Variants in CHCHD6 observed in about 807,000 individuals in gnomAD.
CHCHD6 encodes MICOS complex subunit MIC25.
CHCHD6 carries 28 observed loss-of-function variants against 32.3 expected under a neutral mutation model. The observed-to-expected ratio is 0.87, with a 90% CI of 0.64 to 1.19. The LOEUF (loss-of-function observed/expected upper bound fraction) is 1.19. CHCHD6 is among the 50% of genes most tolerant of loss of function. CHCHD6 has a pLI of 0.00. For synonymous variants in CHCHD6, 122 were observed against 117.5 expected, an observed-to-expected ratio of 1.04 and a Z score of -0.25; for missense variants, 333 against 307.0, an observed-to-expected ratio of 1.08 and a Z score of -0.63.
chr3:126,731,098 TAAAAAAAAAAAA>T (rs34596059), intron 3 of CHCHD6, among the ~76,000 whole-genome samples: 1 of 73,982 alleles, frequency 1.4e-5, no homozygotes, highest in African/African-American at 5.1e-5. Flanking sequence ...ACCCTGTCTC[TAAAAAAAAAAAA>T]AAAAAAAAAA....
chr3:126,779,119 G>T (rs1246481456), intron 4 of CHCHD6, among the ~76,000 whole-genome samples: 1 of 151,930 alleles, frequency 6.6e-6, no homozygotes, highest in African/African-American at 2.4e-5. Context: ...TAAGTTTTGG[G>T]ATTATAGGCA....
intron 4 of CHCHD6, among the ~76,000 whole-genome samples, chr3:126,812,107 T>G (rs953051482): frequency 7.9e-5 from 12 of 151,972 alleles, no homozygotes; most frequent in Non-Finnish European, 1.5e-4. Flanking sequence ...GTGCAGGTTT[T>G]TTTTTTTTTT....
In CHCHD6 at chr3:126,786,655, G is replaced by A. The variant is rs1049690560; in HGVS notation, c.411+53433G>A. Among the ~76,000 whole-genome samples the A allele has an allele frequency of 4.6e-5, 7 of 151,996 alleles. 1 individual carries two copies. The highest frequency in any genetic ancestry group is 1.2e-4 in the African/African-American group (5 of 41,364). On this transcript the variant is annotated intron_variant, in intron 4 of 7. Coordinates refer to ENST00000290913, the MANE Select transcript of CHCHD6 (RefSeq NM_032343.3). ...TGAGAAGTGTCTGTTCATATCCTTCGCCCACTTTTTGATGGGGTTGTTTTT... is the reference window on the plus strand; with the variant it reads ...TGAGAAGTGTCTGTTCATATCCTTCACCCACTTTTTGATGGGGTTGTTTTT...
intron 4 of CHCHD6, among the ~76,000 whole-genome samples, chr3:126,830,430 C>T (rs1253586801): frequency 6.6e-6 from 1 of 152,198 alleles, no homozygotes; most frequent in Non-Finnish European, 1.5e-5. Flanking sequence ...ACCCTGCATG[C>T]CTGGGGAGAC....
chr3:126,733,660 C>G (rs972747655), intron 4 of CHCHD6, among the ~76,000 whole-genome samples: 1 of 152,160 alleles, frequency 6.6e-6, no homozygotes, highest in South Asian at 2.1e-4. Flanking sequence ...CCTGGACACC[C>G]TGTCTGTGAG....
At chr3:126,804,450 C>A (rs973863923) in intron 4 of CHCHD6, among the ~76,000 whole-genome samples, 14 of 152,174 alleles carry the variant, frequency 9.2e-5, no homozygotes, top group Non-Finnish European at 2.9e-5. Context: ...CGCAAGTAAA[C>A]CAGAAAATCT....
At chr3:126,824,560 C>CCAAAAAAAAAA (rs1940300538) in intron 4 of CHCHD6, among the ~76,000 whole-genome samples, 1 of 40,000 alleles carries the variant, frequency 2.5e-5, no homozygotes, top group Non-Finnish European at 3.9e-5. Context: ...GACTCTGTCT[C>CCAAAAAAAAAA]AAAAAAAAAA....
intron 5 of CHCHD6, among the ~76,000 whole-genome samples, chr3:126,870,975 C>T (rs1204101037): frequency 2.0e-5 from 3 of 152,174 alleles, no homozygotes; most frequent in South Asian, 2.1e-4. Flanking sequence ...GTGCCTGCAG[C>T]GAGCGAGTCT....
intron 6 of CHCHD6, among the ~76,000 whole-genome samples, chr3:126,929,622 G>T (rs1230766286): frequency 2.0e-5 from 3 of 152,010 alleles, no homozygotes; most frequent in African/African-American, 7.2e-5. Flanking sequence ...CTGGAGTGCA[G>T]TGGCACAATC....
chr3:126,852,792 C>T, intron 5 of CHCHD6, 62 bp downstream of exon 5: 1 of 1,118,114 alleles, frequency 8.9e-7, no homozygotes, highest in Non-Finnish European at 1.4e-6. Flanking sequence ...GACCAGAACA[C>T]ATCACTGTCA....
chr3:126,932,758 G>T (rs1185781261), intron 6 of CHCHD6, among the ~76,000 whole-genome samples: 5 of 152,234 alleles, frequency 3.3e-5, no homozygotes, highest in Non-Finnish European at 7.3e-5. Flanking sequence ...CCAGTGACCA[G>T]ATCGGGCTGA....
At chr3:126,705,913 T>A (rs999913901) in intron 1 of CHCHD6, among the ~76,000 whole-genome samples, 2 of 151,826 alleles carry the variant, frequency 1.3e-5, no homozygotes, top group Admixed American at 1.3e-4. Flanking sequence ...ACAGAGAGAG[T>A]GCTTTGTGGA....
intron 1 of CHCHD6, among the ~76,000 whole-genome samples, chr3:126,723,953 T>C (rs1001009058): frequency 6.6e-6 from 1 of 152,266 alleles, no homozygotes; most frequent in African/African-American, 2.4e-5. Context: ...ATTTTTATCC[T>C]GGATTGATCC....
intron 5 of CHCHD6, among the ~76,000 whole-genome samples, chr3:126,904,874 T>C (rs2077982849): frequency 6.6e-6 from 1 of 152,122 alleles, no homozygotes; most frequent in Admixed American, 6.5e-5. Flanking sequence ...AAATAGGACA[T>C]GGAATAGATG....
chr3:126,728,855 G>A (rs939267217), intron 2 of CHCHD6, among the ~76,000 whole-genome samples: 3 of 152,214 alleles, frequency 2.0e-5, no homozygotes, highest in Admixed American at 6.5e-5. Flanking sequence ...CTGTTTAAAT[G>A]ATAGGTGTAA....
At chr3:126,801,507 G>T (rs1296246450) in intron 4 of CHCHD6, among the ~76,000 whole-genome samples, 2 of 152,202 alleles carry the variant, frequency 1.3e-5, no homozygotes, top group Non-Finnish European at 2.9e-5. Context: ...CGAAGCTAGG[G>T]GAGGGGCACC....
chr3:126,861,228 C>T (rs565617267), intron 5 of CHCHD6, among the ~76,000 whole-genome samples: 18 of 152,056 alleles, frequency 1.2e-4, no homozygotes, highest in Non-Finnish European at 2.5e-4. Flanking sequence ...GCATCCCTGT[C>T]CACAGACCTA....
chr3:126,704,931 G>C lies in CHCHD6; in HGVS notation c.87+532G>C, dbSNP rs936659613. On this transcript the variant is annotated intron_variant, in intron 1 of 7. Coordinates refer to ENST00000290913, the MANE Select transcript of CHCHD6 (RefSeq NM_032343.3). ...AGCGCGCTTGGATGATGCCTTCCCT[G>C]GTTCCAAAGCTGGCCGCTGCCCGTC... Among the ~76,000 whole-genome samples, 7 of 152,236 alleles carry C rather than the reference G, an allele frequency of 4.6e-5. No individual in the cohort carries two copies. In the South Asian group the frequency reaches 1.0e-3, roughly 23 times the overall value.
At chr3:126,877,713 G>A (rs544920928) in intron 5 of CHCHD6, among the ~76,000 whole-genome samples, 19 of 152,318 alleles carry the variant, frequency 1.2e-4, no homozygotes, top group Admixed American at 1.2e-3. Context: ...AAGCACAAAT[G>A]AGTGTGTATA....
Sources: gnomAD v4.1 joint callset for allele counts (sites outside exome capture counted in the v4.1 genomes callset) on GRCh38, gnomAD v4.1.1 for gene constraint, MANE v1.5 for transcripts, NCBI Gene and HGNC (gene_info 2026-07-23, HGNC 2026-07-21) for gene names.